The following PLEKHA4 variants were observed in gnomAD, a reference collection of about 807,000 sequenced individuals.
PLEKHA4 encodes the protein pleckstrin homology domain-containing family A member 4.
Under a neutral mutation model 94.7 loss-of-function variants are expected in PLEKHA4, and 73 were observed. The ratio of observed to expected loss-of-function variants is 0.77; its 90% CI spans 0.64 to 0.94. The LOEUF (loss-of-function observed/expected upper bound fraction) is 0.94. Ranked by LOEUF, PLEKHA4 falls within the 40% of genes least tolerant of loss-of-function variation. The probability of loss-of-function intolerance (pLI) is 0.00; values close to 1 mark genes in which losing one functional copy is unlikely to be tolerated. For synonymous variants in PLEKHA4, 449 were observed against 437.1 expected, an observed-to-expected ratio of 1.03 and a Z score of -0.34; for missense variants, 1,049 against 1,054.1, an observed-to-expected ratio of 1.00 and a Z score of 0.07.
rs758629819 is a variant in PLEKHA4 at position 48,867,521 on chromosome 19, G to A, written c.84+16C>T. ...GAGCCCCACCTTCCTCCCCATCCCC[G>A]CCAGGAAGCTCAAACCTTGGGGCTC... On this transcript the variant is annotated intron_variant, in intron 2 of 19. Transcript: ENST00000263265. This position sits in a 1 kb window ranked among gnomAD's most constrained non-coding sequence, Gnocchi z 4.7. The A allele has an allele frequency of 1.2e-5, 19 of 1,583,702 alleles. No individual in the cohort carries two copies. Among genetic ancestry groups the A allele is most frequent in the Admixed American group, 7.4e-5 (4 of 54,016 alleles).
Position 48,865,414 on chromosome 19 carries a change from A to C in PLEKHA4, c.192+89T>G, listed in dbSNP as rs2036793863. The C allele has an allele frequency of 3.5e-6, 3 of 855,564 alleles. No individual in the cohort carries two copies. The East Asian group carries it at 7.5e-5, about 21-fold the overall frequency. 53.0% of individuals were successfully genotyped at this position (855,564 alleles called of 1,614,324 possible). ...GAGGGGCAGTGATAGCAAGAAAAAG[A>C]AAGCCTATTTGGGGACTTGCAAGGA... is the stretch of plus-strand genomic sequence containing the variant. On this transcript the variant is annotated intron_variant, in intron 3 of 19. Coordinates refer to ENST00000263265, the MANE Select transcript of PLEKHA4 (RefSeq NM_020904.3).
chr19:48,853,724 G>C lies in PLEKHA4; in HGVS notation c.1284C>G (p.Asp428Glu), dbSNP rs773549910. ...GGGTGGCCCTCACACTGACCAGCCG[G>C]TCCTGCAAGAGGCGCTGGCGACCCC... Reference protein sequence around the residue: ...RAWGRQRLLQDRLVSVRATLC... With the variant: ...RAWGRQRLLQERLVSVRATLC... The change falls in exon 12 of 20, where the codon GAC (aspartate) becomes GAG (glutamate). Residue 428 changes from aspartate (D) to glutamate (E), a missense_variant. Asp to Glu is a conservative substitution (Grantham distance 45, BLOSUM62 2). Coordinates refer to ENST00000263265, the MANE Select transcript of PLEKHA4 (RefSeq NM_020904.3). The C allele has an allele frequency of 6.2e-7, 1 of 1,608,456 alleles. No homozygotes were observed. Among genetic ancestry groups the C allele is most frequent in the Non-Finnish European group, 8.5e-7 (1 of 1,178,248 alleles).
At position 48,841,131 on chromosome 19, in the gene PLEKHA4, C is replaced by T; in HGVS notation, c.1905+18G>A. 2 of 1,600,966 alleles carry T rather than the reference C, an allele frequency of 1.2e-6. No individual in the cohort carries two copies. The highest frequency in any genetic ancestry group is 8.5e-7 in the Non-Finnish European group (1 of 1,173,762). On this transcript the variant is annotated intron_variant, in intron 17 of 19. Coordinates refer to ENST00000263265, the MANE Select transcript of PLEKHA4 (RefSeq NM_020904.3). The stretch of plus-strand genomic sequence containing the variant: ...CTACTACCACCCCACCGCCCAGCCC[C>T]AGCCCTCCTCCCCTCACCCTTTGCT...
chr19:48,845,269 C>T, intron 16 of PLEKHA4, 101 bp downstream of exon 16: 2 of 1,121,786 alleles, frequency 1.8e-6, no homozygotes, highest in Non-Finnish European at 2.7e-6. Flanking sequence ...TCTCTCTGCT[C>T]TGAGTATGGC....
At position 48,845,546 on chromosome 19, in the gene PLEKHA4, C is replaced by T; in HGVS notation, c.1637G>A (p.Gly546Asp). 6.2e-7 allele frequency: 1 copy of T among 1,610,982 alleles called. No homozygotes were observed. Among genetic ancestry groups the T allele is most frequent in the Non-Finnish European group, 8.5e-7 (1 of 1,178,150 alleles). The change falls in exon 15 of 20, where the codon GGC (glycine) becomes GAC (aspartate). Residue 546 changes from glycine to aspartate, a missense_variant. Physicochemically the swap from Gly to Asp is moderately conservative, Grantham distance 94. Transcript: ENST00000263265. ...PETDWGRPPG[G>D]DKDLASPHLG... ...GTGAGGGCTGGCGAGGTCTTTGTCGCCTCCAGGAGGCCGCCCCCAGTCAGT... is the reference window on the plus strand; with the variant it reads ...GTGAGGGCTGGCGAGGTCTTTGTCGTCTCCAGGAGGCCGCCCCCAGTCAGT...
chr19:48,840,084 G>A (rs2035703143), intron 17 of PLEKHA4, among the ~76,000 whole-genome samples: 1 of 151,804 alleles, frequency 6.6e-6, no homozygotes, highest in Admixed American at 6.6e-5. Context: ...CTCCATCATG[G>A]GCAACAAAGG....
chr19:48,859,668 G>A lies in PLEKHA4; in HGVS notation c.493C>T (p.Pro165Ser), dbSNP rs140306465. 13 of 1,611,780 alleles carry A rather than the reference G, an allele frequency of 8.1e-6. No homozygotes were observed. The South Asian group carries it at 1.4e-4, about 18-fold the overall frequency. The change falls in exon 7 of 20, where the codon CCT (proline) becomes TCT (serine). Residue 165 changes from proline to serine, a missense_variant. Pro to Ser is a moderately conservative substitution (Grantham distance 74). Coordinates refer to ENST00000263265, the MANE Select transcript of PLEKHA4 (RefSeq NM_020904.3). Reference sequence around the variant, plus strand: ...CCCTCCCCGGGCTGGGGTCGTGCAGGTGACCTGGGTTGCCCACTAGCGAGT... The same window carrying A: ...CCCTCCCCGGGCTGGGGTCGTGCAGATGACCTGGGTTGCCCACTAGCGAGT... Reference protein sequence around the residue: ...EGDDYGQPRSPARPQPGEGPG... With the variant: ...EGDDYGQPRSSARPQPGEGPG...
intron 14 of PLEKHA4, among the ~76,000 whole-genome samples, 155 bp from the exon 15 acceptor site, chr19:48,845,771 T>C (rs1354197324): frequency 6.6e-6 from 1 of 151,766 alleles, no homozygotes; most frequent in East Asian, 1.9e-4. Context: ...TCCCAGCGCT[T>C]TGGGAGGCCG....
chr19:48,841,647 T>C (rs1465914722), intron 16 of PLEKHA4, among the ~76,000 whole-genome samples: 4 of 151,382 alleles, frequency 2.6e-5, no homozygotes, highest in Non-Finnish European at 5.9e-5. Flanking sequence ...TATATATATG[T>C]TGCTTAAACA....
chr19:48,852,654 C>T (rs2036241919), intron 12 of PLEKHA4, among the ~76,000 whole-genome samples: 1 of 152,130 alleles, frequency 6.6e-6, no homozygotes, highest in Non-Finnish European at 1.5e-5. Context: ...AGCACCCAGC[C>T]AGACACGGTG....
Position 48,839,217 on chromosome 19 carries a change from C to A in PLEKHA4, c.1952G>T (p.Gly651Val). ...SGAQKWLRSS[G>V]SWSSPRNTTP... ...TCCAGTTCCTTACCTACTCCAGGAC[C>A]CAGAGCTTCTGAGCCATTTCTGGGC... is the stretch of plus-strand genomic sequence containing the variant. The change falls in exon 18 of 20, where the codon GGG becomes GTG. Residue 651 changes from glycine to valine, a missense_variant. By Grantham distance (109) the Gly-to-Val change is moderately radical. Coordinates refer to ENST00000263265, the MANE Select transcript of PLEKHA4 (RefSeq NM_020904.3). 6.3e-7 allele frequency: 1 copy of A among 1,597,418 alleles called. No homozygotes were observed. Among genetic ancestry groups the A allele is most frequent in the Non-Finnish European group, 8.6e-7 (1 of 1,169,502 alleles).
In PLEKHA4 at chr19:48,848,048, G is replaced by A. The variant is rs1052847097; in HGVS notation, c.1426-8C>T. The A allele has an allele frequency of 3.1e-6, 5 of 1,612,994 alleles. No individual in the cohort carries two copies. The highest frequency in any genetic ancestry group is 1.3e-5 in the African/African-American group (1 of 74,928). On this transcript the variant is annotated splice_polypyrimidine_tract_variant and splice_region_variant and intron_variant, in intron 13 of 19. Transcript: ENST00000263265. ...CTGAGCAGACACTCTGTCCTGCAGG[G>A]AGGAAAGGAATTTGTTACTTAAAGG...
chr19:48,849,475 A>T (rs750013433), intron 13 of PLEKHA4, among the ~76,000 whole-genome samples: 2 of 151,014 alleles, frequency 1.3e-5, no homozygotes, highest in Non-Finnish European at 2.9e-5. Context: ...CACCCAGCAA[A>T]TTTTTCTATT....
chr19:48,841,277 C>T lies in PLEKHA4; in HGVS notation c.1777G>A (p.Glu593Lys). ...TTTCTGCGCATCCGCTCCAGCTGCT[C>T]CTGGGCACTCATCCGGGGCCGGGCC... ...PVARPRMSAQEQLERMRRNQE... is the reference protein window; with the variant it reads ...PVARPRMSAQKQLERMRRNQE... Residue 593 changes from glutamate to lysine, a missense_variant, in exon 17 of 20, where the codon GAG becomes AAG. Transcript: ENST00000263265. 3.1e-6 allele frequency: 5 copies of T among 1,613,270 alleles called. No homozygotes were observed. The highest frequency in any genetic ancestry group is 3.4e-6 in the Non-Finnish European group (4 of 1,179,748).
chr19:48,850,677 C>T (rs2036151472), intron 13 of PLEKHA4, among the ~76,000 whole-genome samples: 1 of 151,126 alleles, frequency 6.6e-6, no homozygotes, highest in South Asian at 2.1e-4. Context: ...ATTAGCCAGA[C>T]ATGGTGGTGC....
chr19:48,853,110 A>G (rs1181734392), intron 12 of PLEKHA4, among the ~76,000 whole-genome samples: 1 of 152,208 alleles, frequency 6.6e-6, no homozygotes, highest in African/African-American at 2.4e-5. Flanking sequence ...TCCATTTTAC[A>G]GATAATAATT....
chr19:48,861,935 G>A (rs1371821598), intron 3 of PLEKHA4, among the ~76,000 whole-genome samples: 1 of 151,930 alleles, frequency 6.6e-6, no homozygotes, highest in Non-Finnish European at 1.5e-5. Flanking sequence ...AGACCAGCTT[G>A]GGTAACATGG....
rs371518404 is a variant in PLEKHA4, at chr19:48,848,661, G to T, written c.1426-621C>A. ...TACAAAAAAAAATTAGCCGGGGGTG[G>T]TGGTGCATGCCTGTGATCCCAGCCA... On this transcript the variant is annotated intron_variant, in intron 13 of 19. Coordinates refer to ENST00000263265, the MANE Select transcript of PLEKHA4 (RefSeq NM_020904.3). Among the ~76,000 whole-genome samples the T allele has an allele frequency of 1.6e-4, 24 of 151,590 alleles. No individual in the cohort carries two copies. The East Asian group carries it at 3.9e-3, about 25-fold the overall frequency.
chr19:48,860,436 G>A lies in PLEKHA4; in HGVS notation c.390C>T (p.Thr130=), dbSNP rs766487992. ...CTAAGGTGTCAGCGGCCAAAACGTAGGTCCTCATGCCCGGGTGCTCTGCCT... is the reference window on the plus strand; with the variant it reads ...CTAAGGTGTCAGCGGCCAAAACGTAAGTCCTCATGCCCGGGTGCTCTGCCT... ...TFTAEHPGMR[T]YVLAADTLED... The change falls in exon 6 of 20, where the codon ACC becomes ACT. Residue 130 remains threonine, a synonymous_variant. Coordinates refer to ENST00000263265, the MANE Select transcript of PLEKHA4 (RefSeq NM_020904.3). The A allele has an allele frequency of 6.2e-7, 1 of 1,614,088 alleles. No individual in the cohort carries two copies. The highest frequency in any genetic ancestry group is 8.5e-7 in the Non-Finnish European group (1 of 1,180,000).
Sources: gnomAD v4.1 joint callset for allele counts (sites outside exome capture counted in the v4.1 genomes callset) on GRCh38, gnomAD v4.1.1 for gene constraint, Gnocchi (gnomAD v3.1) non-coding constraint, MANE v1.5 for transcripts, NCBI Gene and HGNC (gene_info 2026-07-23, HGNC 2026-07-21) for gene names.